The following TNFAIP8L1 variants were observed in gnomAD, a reference collection of about 807,000 sequenced individuals.
TNFAIP8L1 encodes tumor necrosis factor alpha-induced protein 8-like protein 1.
For missense variants in TNFAIP8L1, 225 were observed against 266.1 expected (o/e 0.85, Z 1.08); for synonymous variants, 127 against 125.6 (o/e 1.01, Z -0.08).
intron 1 of TNFAIP8L1, among the ~76,000 whole-genome samples, chr19:4,651,581 C>A (rs1224885525): frequency 6.6e-6 from 1 of 151,814 alleles, no homozygotes; most frequent in Non-Finnish European, 1.5e-5. Flanking sequence ...GGATTGCGGG[C>A]ACCCATCACC....
At chr19:4,644,766 A>G (rs1480122684) in intron 1 of TNFAIP8L1, among the ~76,000 whole-genome samples, 15 of 151,672 alleles carry the variant, frequency 9.9e-5, no homozygotes, top group Admixed American at 8.5e-4. Context: ...ACACACGGCT[A>G]ATTTTTGTAT....
chr19:4,648,525 C>G (rs796218732), intron 1 of TNFAIP8L1, among the ~76,000 whole-genome samples: 1 of 152,350 alleles, frequency 6.6e-6, no homozygotes, highest in South Asian at 2.1e-4. Flanking sequence ...CTGCCCCGGC[C>G]GTCTTAGGAG....
chr19:4,646,662 G>T (rs965854681), intron 1 of TNFAIP8L1, among the ~76,000 whole-genome samples: 2 of 149,844 alleles, frequency 1.3e-5, no homozygotes, highest in Non-Finnish European at 3.0e-5. Context: ...ATGGAGTCTC[G>T]CTCTGTCACC....
chr19:4,640,644 G>A (rs1303000691), intron 1 of TNFAIP8L1: 1 of 152,310 alleles, frequency 6.6e-6, no homozygotes, highest in Non-Finnish European at 1.5e-5. Context: ...TCAGATGCAG[G>A]AATACAGGCC....
At chr19:4,647,136 G>C (rs571221990) in intron 1 of TNFAIP8L1, among the ~76,000 whole-genome samples, 94 of 152,172 alleles carry the variant, frequency 6.2e-4, no homozygotes, top group Non-Finnish European at 1.1e-3. Flanking sequence ...GGACATTTGA[G>C]TTGCTTCCAC....
rs1345335184 is a variant in TNFAIP8L1 at position 4,645,855 on chromosome 19, G to A, written c.-3-6012G>A. Among the ~76,000 whole-genome samples the A allele has an allele frequency of 6.6e-6, 1 of 152,136 alleles. No homozygotes were observed. Among genetic ancestry groups the A allele is most frequent in the African/African-American group, 2.4e-5 (1 of 41,418 alleles). ...CACAGCAGGGAGACCTCAGAGCTGT[G>A]GACGGACCTGGACAGAGGCTGTGGA... On this transcript the variant is annotated intron_variant, in intron 1 of 1. Coordinates refer to ENST00000327473, the MANE Select transcript of TNFAIP8L1 (RefSeq NM_152362.3). The surrounding 1 kb of genome is among the most constrained non-coding windows in gnomAD (Gnocchi z 4.1).
In TNFAIP8L1 at chr19:4,652,362, C is replaced by G; in HGVS notation, c.493C>G (p.Pro165Ala). The change falls in exon 2 of 2, where the codon CCC (proline) becomes GCC (alanine). Residue 165 changes from proline to alanine, a missense_variant. Physicochemically the swap from Pro to Ala is conservative, Grantham distance 27 (BLOSUM62 -1). Transcript: ENST00000327473. ...FLAALYGPAE[P>A]YRSHLRRICE... Reference sequence around the variant, plus strand: ...GGCTGCGCTCTACGGCCCCGCCGAGCCCTACCGCTCCCACCTGCGCAGGAT... The same window carrying G: ...GGCTGCGCTCTACGGCCCCGCCGAGGCCTACCGCTCCCACCTGCGCAGGAT... The G allele has an allele frequency of 6.4e-7, 1 of 1,555,264 alleles. No individual in the cohort carries two copies. Among genetic ancestry groups the G allele is most frequent in the Non-Finnish European group, 8.7e-7 (1 of 1,152,512 alleles).
rs1250875070 is a variant in TNFAIP8L1, at chr19:4,654,860, G to T, written c.*2430G>T. 1.3e-5 allele frequency: 2 copies of T among 152,220 alleles called. No individual in the cohort carries two copies. Among genetic ancestry groups the T allele is most frequent in the Non-Finnish European group, 2.9e-5 (2 of 68,050 alleles). 9.4% of individuals were successfully genotyped at this position (152,220 alleles called of 1,614,324 possible). A position where few individuals can be genotyped will look rare whatever the true frequency, so the allele number is the denominator to read the frequency against. On this transcript the variant is annotated 3_prime_UTR_variant, in exon 2 of 2. Coordinates refer to ENST00000327473, the MANE Select transcript of TNFAIP8L1 (RefSeq NM_152362.3). ...CAAAATGCTGCTGCAGGTCAGGAAGGTTATTTTGGGTGCCTGTGGGGGAGG... is the reference window on the plus strand; with the variant it reads ...CAAAATGCTGCTGCAGGTCAGGAAGTTTATTTTGGGTGCCTGTGGGGGAGG...
chr19:4,652,352 C>A lies in TNFAIP8L1; in HGVS notation c.483C>A (p.Gly161=), dbSNP rs766911559. 2.9e-4 allele frequency: 455 copies of A among 1,554,022 alleles called. No homozygotes were observed. Among genetic ancestry groups the A allele is most frequent in the Middle Eastern group, 5.0e-4 (3 of 6,020 alleles). The change falls in exon 2 of 2, where the codon GGC becomes GGA. Residue 161 remains glycine (G), a synonymous_variant. Coordinates refer to ENST00000327473, the MANE Select transcript of TNFAIP8L1 (RefSeq NM_152362.3). ...GCGACTTCCTGGCTGCGCTCTACGG[C>A]CCCGCCGAGCCCTACCGCTCCCACC... ...ADCDFLAALY[G]PAEPYRSHLR... is the part of the protein sequence containing the mutation.
chr19:4,647,475 A>AT (rs941666940), intron 1 of TNFAIP8L1, among the ~76,000 whole-genome samples: 37 of 151,368 alleles, frequency 2.4e-4, no homozygotes, highest in South Asian at 4.2e-4. Context: ...TGCCCAGCTA[A>AT]TTTTTTTTGT....
intron 1 of TNFAIP8L1, among the ~76,000 whole-genome samples, chr19:4,648,469 G>A (rs2088331962): frequency 6.6e-6 from 1 of 152,234 alleles, no homozygotes; most frequent in African/African-American, 2.4e-5. Context: ...GGAGGAAGGG[G>A]AAGGCCAGGC....
chr19:4,646,146 G>C (rs1420029380), intron 1 of TNFAIP8L1, among the ~76,000 whole-genome samples: 1 of 152,022 alleles, frequency 6.6e-6, no homozygotes, highest in Non-Finnish European at 1.5e-5. Flanking sequence ...CCTTCCAGCA[G>C]GGGAACAGTT....
intron 1 of TNFAIP8L1, among the ~76,000 whole-genome samples, chr19:4,648,175 C>T (rs1371159307): frequency 5.3e-5 from 8 of 152,224 alleles, no homozygotes; most frequent in Admixed American, 2.0e-4. Flanking sequence ...CTCGTTGAGC[C>T]ACTGAATGGG....
At chr19:4,640,666 C>G (rs2088251849) in intron 1 of TNFAIP8L1, 1 of 152,362 alleles carries the variant, frequency 6.6e-6, no homozygotes, top group Non-Finnish European at 1.5e-5. Context: ...TGCTCATAAC[C>G]TGCCTGACTC....
chr19:4,642,082 G>A (rs1417554388), intron 1 of TNFAIP8L1: 2 of 152,282 alleles, frequency 1.3e-5, no homozygotes, highest in Non-Finnish European at 2.9e-5. Flanking sequence ...GGAGGCTGAG[G>A]TGGGAGGATC....
intron 1 of TNFAIP8L1, among the ~76,000 whole-genome samples, chr19:4,650,282 A>G (rs774333302): frequency 1.3e-5 from 2 of 150,262 alleles, no homozygotes; most frequent in Non-Finnish European, 3.0e-5. Context: ...ATAGTTTACC[A>G]GGGAAGAGGC....
chr19:4,644,455 G>C (rs1288782918), intron 1 of TNFAIP8L1, among the ~76,000 whole-genome samples: 1 of 151,414 alleles, frequency 6.6e-6, no homozygotes, highest in Non-Finnish European at 1.5e-5. Context: ...TGAGGTGGGA[G>C]GATCACTTGA....
At chr19:4,640,525 C>A (rs1192915868) in intron 1 of TNFAIP8L1, 1 of 152,262 alleles carries the variant, frequency 6.6e-6, no homozygotes, top group Admixed American at 6.5e-5. Context: ...TTGAGCTCTG[C>A]CACCCGCATG....
chr19:4,649,544 G>A (rs926216327), intron 1 of TNFAIP8L1, among the ~76,000 whole-genome samples: 5 of 152,318 alleles, frequency 3.3e-5, no homozygotes, highest in East Asian at 1.9e-4. Flanking sequence ...AGTTGAGGGC[G>A]TTAGGTGGGG....
Sources: gnomAD v4.1 joint callset for allele counts (sites outside exome capture counted in the v4.1 genomes callset) on GRCh38, gnomAD v4.1.1 for gene constraint, Gnocchi (gnomAD v3.1) non-coding constraint, MANE v1.5 for transcripts, NCBI Gene and HGNC (gene_info 2026-07-23, HGNC 2026-07-21) for gene names.